Variants in SAMMSON observed in about 807,000 individuals in gnomAD.
The protein encoded by SAMMSON is survival associated mitochondrial melanoma specific oncogenic non-coding RNA, also known as long intergenic non-protein coding RNA 1212.
chr3:70,300,047 A>G (rs1242946529), intron 7 of SAMMSON, among the ~76,000 whole-genome samples: 1 of 152,034 alleles, frequency 6.6e-6, no homozygotes, highest in Non-Finnish European at 1.5e-5. Flanking sequence ...GCCTATTGAA[A>G]CACTACCCAT....
chr3:70,252,317 C>T (rs1044955790), intron 6 of SAMMSON, among the ~76,000 whole-genome samples: 9 of 152,062 alleles, frequency 5.9e-5, no homozygotes, highest in Non-Finnish European at 1.0e-4. Context: ...TATGGTGTGG[C>T]GTACAATTCT....
chr3:70,405,404 G>A (rs1412547870), intron 2 of SAMMSON, among the ~76,000 whole-genome samples: 1 of 152,146 alleles, frequency 6.6e-6, no homozygotes, highest in African/African-American at 2.4e-5. Context: ...TATAGTAGAA[G>A]AAGCAGGAAA....
At chr3:70,063,821 A>G (rs894612881) in intron 3 of SAMMSON, among the ~76,000 whole-genome samples, 1 of 152,100 alleles carries the variant, frequency 6.6e-6, no homozygotes, top group Non-Finnish European at 1.5e-5. Flanking sequence ...AGCAAAATTC[A>G]GCTGTTTAAT....
At chr3:70,072,646 G>T in intron 4 of SAMMSON, 1 of 87,684 alleles carries the variant, frequency 1.1e-5, no homozygotes, top group African/African-American at 4.3e-5. Context: ...AACAGCAAAG[G>T]AAAAAAAAAA....
chr3:70,345,346 C>T (rs1702742169), intron 7 of SAMMSON, among the ~76,000 whole-genome samples: 1 of 152,182 alleles, frequency 6.6e-6, no homozygotes, highest in Non-Finnish European at 1.5e-5. Context: ...TGCCCTTAAT[C>T]TTACAGATTC....
intron 1 of SAMMSON, among the ~76,000 whole-genome samples, chr3:70,009,467 T>A (rs1227185369): frequency 6.6e-6 from 1 of 152,232 alleles, no homozygotes; most frequent in African/African-American, 2.4e-5. Flanking sequence ...TGTATTTCTG[T>A]GGGATCGGTG....
chr3:70,201,049 C>CT lies in SAMMSON; in HGVS notation n.508-48051dup, dbSNP rs201795649. On this transcript the variant is annotated intron_variant and non_coding_transcript_variant, in intron 4 of 9. Transcript: ENST00000642114. ...CTTTTTTTTTTTACTTATTTAAATT[C>CT]TTTTTTTAACATTTATTAAGTTCAG... Among the ~76,000 whole-genome samples the CT allele has an allele frequency of 9.3e-3, 1,397 of 150,772 alleles. 17 individuals are homozygous for CT. Among genetic ancestry groups the CT allele is most frequent in the African/African-American group, 0.032 (1,309 of 41,044 alleles).
At chr3:70,418,631 C>T (rs1452336604) in intron 2 of SAMMSON, among the ~76,000 whole-genome samples, 1 of 152,206 alleles carries the variant, frequency 6.6e-6, no homozygotes, top group Non-Finnish European at 1.5e-5. Flanking sequence ...GTCTCTGTCA[C>T]CCTCAGGAGA....
At chr3:70,320,081 G>A (rs1390706298) in intron 7 of SAMMSON, among the ~76,000 whole-genome samples, 4 of 152,072 alleles carry the variant, frequency 2.6e-5, no homozygotes, top group Non-Finnish European at 5.9e-5. Context: ...GACACATGTA[G>A]AGAATCCCAA....
At chr3:70,127,391 C>T (rs1430672023) in intron 4 of SAMMSON, 3 of 152,158 alleles carry the variant, frequency 2.0e-5, no homozygotes, top group Admixed American at 2.0e-4. Context: ...ATTATCAGAA[C>T]TTAATGAGTC....
chr3:70,092,902 G>GTTTTTTTTTTTTTTTTTTT (rs5849939), intron 4 of SAMMSON, among the ~76,000 whole-genome samples: 1 of 138,176 alleles, frequency 7.2e-6, no homozygotes, highest in Non-Finnish European at 1.5e-5. Flanking sequence ...TAGTGTTTTT[G>GTTTTTTTTTTTTTTTTTTT]TTTTTTTTTT....
chr3:70,378,979 T>TTTTA (rs145138282), intron 9 of SAMMSON, among the ~76,000 whole-genome samples: 14,544 of 141,404 alleles, frequency 0.1, 820 homozygotes, highest in Admixed American at 0.14. Context: ...ATACTTACAC[T>TTTTA]TTTATTTATT....
chr3:70,333,060 G>C (rs1702633469), intron 7 of SAMMSON, among the ~76,000 whole-genome samples: 1 of 152,018 alleles, frequency 6.6e-6, no homozygotes, highest in Admixed American at 6.6e-5. Flanking sequence ...TGTCTTACTT[G>C]GTCACAAATT....
chr3:70,262,104 C>T (rs533051340), intron 6 of SAMMSON, among the ~76,000 whole-genome samples: 8 of 152,172 alleles, frequency 5.3e-5, no homozygotes, highest in Admixed American at 3.3e-4. Context: ...AAAGCTGGTG[C>T]GACAGTATTG....
intron 4 of SAMMSON, among the ~76,000 whole-genome samples, chr3:70,194,160 G>T (rs1357472822): frequency 6.6e-6 from 1 of 152,120 alleles, no homozygotes; most frequent in Non-Finnish European, 1.5e-5. Context: ...TAGCTATGTC[G>T]TTATAATGCT....
chr3:70,063,648 A>T (rs923654976), intron 3 of SAMMSON, among the ~76,000 whole-genome samples: 1 of 152,200 alleles, frequency 6.6e-6, no homozygotes, highest in South Asian at 2.1e-4. Flanking sequence ...CCCTGTCTCC[A>T]TCTTTGCTGA....
chr3:70,366,286 G>A lies in SAMMSON; in HGVS notation n.913+7962G>A, dbSNP rs550560158. Among the ~76,000 whole-genome samples, 247 of 24,730 alleles carry A rather than the reference G, an allele frequency of 1.0e-2. 90 individuals are homozygous for A. Among genetic ancestry groups the A allele is most frequent in the African/African-American group, 0.033 (240 of 7,220 alleles). The allele number at this position is 24,730 out of a possible 152,430, so 16.2% of individuals were successfully genotyped here. A position where few individuals can be genotyped will look rare whatever the true frequency, so the allele number is the denominator to read the frequency against. On this transcript the variant is annotated intron_variant and non_coding_transcript_variant, in intron 9 of 9. Coordinates refer to ENST00000642114, the Ensembl canonical transcript of SAMMSON. ...ATTACAGGCGTGAGCCACTGCGCCCGGCCTGTGCTTTACCTTTTCAATCCT... is the reference window on the plus strand; with the variant it reads ...ATTACAGGCGTGAGCCACTGCGCCCAGCCTGTGCTTTACCTTTTCAATCCT...
intron 4 of SAMMSON, among the ~76,000 whole-genome samples, chr3:70,186,446 G>C (rs1701093110): frequency 6.6e-6 from 1 of 151,612 alleles, no homozygotes; most frequent in Non-Finnish European, 1.5e-5. Flanking sequence ...TTATTTTTTG[G>C]TATTTTTTTT....
intron 7 of SAMMSON, among the ~76,000 whole-genome samples, chr3:70,348,675 C>A (rs1379082374): frequency 1.3e-5 from 2 of 152,022 alleles, no homozygotes; most frequent in African/African-American, 4.8e-5. Flanking sequence ...GGTTCCAATT[C>A]CAGGGGTATT....
Sources: gnomAD v4.1 joint callset for allele counts (sites outside exome capture counted in the v4.1 genomes callset) on GRCh38, gnomAD v4.1.1 for gene constraint, MANE v1.5 for transcripts, NCBI Gene and HGNC (gene_info 2026-07-23, HGNC 2026-07-21) for gene names.